Variants in ARHGAP10 observed in about 807,000 individuals in gnomAD.
ARHGAP10 encodes the protein rho GTPase-activating protein 10.
In ARHGAP10, 87 loss-of-function variants were observed where a neutral mutation model predicts 108.6. The observed-to-expected ratio is 0.80, with a 90% CI of 0.67 to 0.96. The LOEUF (loss-of-function observed/expected upper bound fraction) is 0.96, where lower values mean the gene tolerates loss of function less well. ARHGAP10 is among the 40% of genes least tolerant of loss of function. The pLI is 0.00. For synonymous variants in ARHGAP10, 347 were observed against 341.1 expected, an observed-to-expected ratio of 1.02 and a Z score of -0.19; for missense variants, 939 against 954.5, an observed-to-expected ratio of 0.98 and a Z score of 0.21.
In ARHGAP10 at chr4:147,847,180, A is replaced by G; in HGVS notation, c.342A>G (p.Lys114=). The change falls in exon 4 of 23, where the codon AAA becomes AAG. Residue 114 remains lysine (K), a synonymous_variant. Coordinates refer to ENST00000336498, the MANE Select transcript of ARHGAP10 (RefSeq NM_024605.4). The part of the protein sequence containing the change: ...MALSVTETLI[K]PLEKFRKEQL... The stretch of plus-strand genomic sequence containing the variant: ...TAAGTGTAACTGAAACCCTGATTAA[A>G]CCCTTGGAAAAATTCAGAAAAGAGC... 6.2e-7 allele frequency: 1 copy of G among 1,613,568 alleles called. No individual in the cohort carries two copies. Among genetic ancestry groups the G allele is most frequent in the Non-Finnish European group, 8.5e-7 (1 of 1,179,608 alleles).
intron 14 of ARHGAP10, among the ~76,000 whole-genome samples, chr4:147,941,970 C>T (rs912994710): frequency 3.3e-5 from 5 of 151,804 alleles, no homozygotes; most frequent in Non-Finnish European, 5.9e-5. Flanking sequence ...AATAATTTAA[C>T]GCCTCTTCCA....
At chr4:147,761,541 T>C (rs938188687) in intron 1 of ARHGAP10, among the ~76,000 whole-genome samples, 13 of 152,188 alleles carry the variant, frequency 8.5e-5, no homozygotes, top group Non-Finnish European at 1.6e-4. Context: ...CAAAACTTGA[T>C]ATTTGAATTT....
chr4:147,807,484 T>A (rs1030182943), intron 1 of ARHGAP10, among the ~76,000 whole-genome samples: 1 of 152,116 alleles, frequency 6.6e-6, no homozygotes, highest in African/African-American at 2.4e-5. Flanking sequence ...AAAGAGAATT[T>A]TTCTGAAATG....
chr4:147,866,140 TC>T (rs1734548101), intron 6 of ARHGAP10: 1 of 152,232 alleles, frequency 6.6e-6, no homozygotes, highest in Non-Finnish European at 1.5e-5. Flanking sequence ...CCAGATCACT[TC>T]TTTTTACTTC....
At chr4:148,062,412 T>C (rs1578840709) in intron 20 of ARHGAP10, among the ~76,000 whole-genome samples, 2 of 152,158 alleles carry the variant, frequency 1.3e-5, no homozygotes, top group South Asian at 2.1e-4. Context: ...GTTCAAAATG[T>C]CACTGAATGA....
chr4:147,976,377 G>A (rs1242992862), intron 18 of ARHGAP10, among the ~76,000 whole-genome samples: 1 of 152,180 alleles, frequency 6.6e-6, no homozygotes, highest in Admixed American at 6.5e-5. Flanking sequence ...AAGCTGCAAA[G>A]TTTCTAAAAG....
chr4:147,907,535 A>T (rs889955962), intron 11 of ARHGAP10, among the ~76,000 whole-genome samples: 1 of 152,172 alleles, frequency 6.6e-6, no homozygotes, highest in Admixed American at 6.6e-5. Flanking sequence ...AAAGTAGAGG[A>T]GGGATCATGT....
At chr4:148,009,320 CAG>C (rs1324418036) in intron 18 of ARHGAP10, among the ~76,000 whole-genome samples, 1 of 152,074 alleles carries the variant, frequency 6.6e-6, no homozygotes, top group Non-Finnish European at 1.5e-5. Flanking sequence ...TTAGTAGAGA[CAG>C]GGTTTCACCA....
chr4:147,732,578 C>T lies in ARHGAP10; in HGVS notation c.154+123C>T, dbSNP rs151176145. ...CAGCCAGAGGAACGGGGAATTCATTCCGGACCAGCCCAGCTCTCTCGGAAC... is the reference window on the plus strand; with the variant it reads ...CAGCCAGAGGAACGGGGAATTCATTTCGGACCAGCCCAGCTCTCTCGGAAC... On this transcript the variant is annotated intron_variant, in intron 1 of 22. Transcript: ENST00000336498. The T allele has an allele frequency of 1.7e-3, 2,315 of 1,381,670 alleles. 29 individuals carry two copies. The African/African-American group carries it at 0.03, about 18-fold the overall frequency. The allele number at this position is 1,381,670 out of a possible 1,614,324, so 85.6% of individuals were successfully genotyped here.
At chr4:147,910,929 T>C (rs1026148276) in intron 12 of ARHGAP10, among the ~76,000 whole-genome samples, 13 of 151,854 alleles carry the variant, frequency 8.6e-5, no homozygotes, top group African/African-American at 3.1e-4. Context: ...GGCACCTTCT[T>C]ACCCCTCTTC....
intron 13 of ARHGAP10, chr4:147,916,415 A>C (rs1736985477): frequency 6.6e-6 from 1 of 152,236 alleles, no homozygotes; most frequent in Admixed American, 6.5e-5. Flanking sequence ...ATGACTTATG[A>C]AATGTTCCAT....
intron 19 of ARHGAP10, among the ~76,000 whole-genome samples, chr4:148,043,652 T>TATATATATATATATATA (rs1728740400): frequency 6.3e-5 from 7 of 111,670 alleles, no homozygotes; most frequent in Non-Finnish European, 1.1e-4. Flanking sequence ...TATATATATA[T>TATATATATATATATATA]TTTAGGTGTA....
intron 3 of ARHGAP10, among the ~76,000 whole-genome samples, chr4:147,844,215 A>G (rs1733538713): frequency 6.6e-6 from 1 of 152,108 alleles, no homozygotes; most frequent in Admixed American, 6.6e-5. Flanking sequence ...TTGTGAGTAC[A>G]TAATAGGTAT....
At chr4:147,780,988 A>G (rs1045928697) in intron 1 of ARHGAP10, among the ~76,000 whole-genome samples, 1 of 152,156 alleles carries the variant, frequency 6.6e-6, no homozygotes, top group African/African-American at 2.4e-5. Context: ...AGAAGACGCA[A>G]GGGCTCAGAT....
intron 1 of ARHGAP10, among the ~76,000 whole-genome samples, chr4:147,801,426 A>G (rs1731577808): frequency 1.3e-5 from 2 of 152,260 alleles, no homozygotes; most frequent in African/African-American, 4.8e-5. Flanking sequence ...GTTAACACAC[A>G]AAATAATTTA....
At chr4:147,997,221 G>T (rs1740510388) in intron 18 of ARHGAP10, among the ~76,000 whole-genome samples, 1 of 152,186 alleles carries the variant, frequency 6.6e-6, no homozygotes. Flanking sequence ...AAAATACCCA[G>T]TGTGGAATCT....
intron 18 of ARHGAP10, 24 bp downstream of exon 18, chr4:147,966,863 A>G (rs758482228): frequency 3.2e-6 from 5 of 1,538,486 alleles, no homozygotes; most frequent in Admixed American, 1.8e-5. Context: ...TTTCTTTAAG[A>G]GACTTTGTTT....
chr4:147,784,349 A>G (rs1349208134), intron 1 of ARHGAP10, among the ~76,000 whole-genome samples: 9 of 133,658 alleles, frequency 6.7e-5, no homozygotes. Flanking sequence ...AATTATATAT[A>G]ATTTATAAAT....
intron 22 of ARHGAP10, among the ~76,000 whole-genome samples, chr4:148,069,209 C>T (rs906124): frequency 0.54 from 81,586 of 151,996 alleles, 24,585 homozygotes; most frequent in East Asian, 0.83. Context: ...TTATCTGCAA[C>T]TGCGGAGCCA....
Sources: allele counts gnomAD v4.1 joint callset (sites outside exome capture counted in the v4.1 genomes callset), GRCh38; gene constraint gnomAD v4.1.1; transcripts MANE v1.5; gene names NCBI Gene and HGNC (gene_info 2026-07-23, HGNC 2026-07-21).